MID1: variants seen among roughly 807,000 people sequenced by gnomAD.
MID1 encodes the protein E3 ubiquitin-protein ligase Midline-1.
MID1 carries 7 observed loss-of-function variants against 40.4 expected under a neutral mutation model. The ratio of observed to expected loss-of-function variants is 0.17; its 90% CI spans 0.10 to 0.33. The LOEUF is 0.33. Among genes scored for constraint, MID1 ranks in the 10% least tolerant of loss-of-function variants. The probability of loss-of-function intolerance (pLI) is 1.00; values close to 1 mark genes in which losing one functional copy is unlikely to be tolerated. For missense variants in MID1, 367 were observed against 558.5 expected (o/e 0.66, Z 3.46); for synonymous variants, 229 against 221.2 (o/e 1.04, Z -0.31).
At chrX:10,609,809 G>C (rs1053215258) in intron 1 of MID1, among the ~76,000 whole-genome samples, 46 of 102,518 alleles carry the variant, frequency 4.5e-4, no homozygotes, top group Non-Finnish European at 9.8e-5. Flanking sequence ...GCTCCGCCTC[G>C]CGGGTTCACG....
chrX:10,615,870 C>T (rs775615791), intron 1 of MID1, among the ~76,000 whole-genome samples: 3 of 112,528 alleles, frequency 2.7e-5, no homozygotes, highest in East Asian at 2.8e-4. Flanking sequence ...AGAATCTTCC[C>T]GATAAACTGC....
chrX:10,631,152 G>A (rs185332319), intron 1 of MID1, among the ~76,000 whole-genome samples: 145 of 112,109 alleles, frequency 1.3e-3, no homozygotes, highest in Admixed American at 4.7e-3. Context: ...ACTGTGGCTG[G>A]CAGCACTGAT....
intron 1 of MID1, among the ~76,000 whole-genome samples, chrX:10,775,631 C>T (rs1400404810): frequency 1.8e-5 from 2 of 111,609 alleles, no homozygotes; most frequent in Non-Finnish European, 3.8e-5. Flanking sequence ...AATGAAGCCC[C>T]TGCATCAGAC....
intron 1 of MID1, among the ~76,000 whole-genome samples, chrX:10,589,365 A>T (rs1935222547): frequency 9.0e-6 from 1 of 111,168 alleles, no homozygotes; most frequent in African/African-American, 3.3e-5. Flanking sequence ...ATTCAAACCA[A>T]GTCAAAACCA....
chrX:10,746,739 T>C (rs909204041), intron 1 of MID1, among the ~76,000 whole-genome samples: 4 of 110,773 alleles, frequency 3.6e-5, no homozygotes, highest in African/African-American at 1.3e-4. Context: ...AAATGGATTT[T>C]TGTTGTTTGA....
intron 3 of MID1, among the ~76,000 whole-genome samples, chrX:10,515,006 C>T (rs932954625): frequency 2.7e-5 from 3 of 111,362 alleles, no homozygotes; most frequent in Middle Eastern, 4.6e-3. Context: ...TTCATGTCGG[C>T]CCCCAGCAGG....
rs6639029 is a variant in MID1 at position 10,700,440 on chromosome X, T to C, written c.-186-80021A>G. Among the ~76,000 whole-genome samples the C allele has an allele frequency of 8.1e-5, 9 of 110,922 alleles. No homozygotes were observed. The East Asian group carries it at 2.6e-3, about 32-fold the overall frequency. ...GGTGGCATGCACCTCTAGTCCCAGC[T>C]ACTCAGGAGGCTGAGGTGGGAGGAT... On this transcript the variant is annotated intron_variant, in intron 1 of 10. Coordinates refer to the MID1 transcript ENST00000380785.
At chrX:10,710,088 C>T (rs769342234) in intron 1 of MID1, among the ~76,000 whole-genome samples, 1 of 111,657 alleles carries the variant, frequency 9.0e-6, no homozygotes, top group South Asian at 3.8e-4. Flanking sequence ...AGCTACCTGG[C>T]GGTCCAACAT....
upstream of MID1, among the ~76,000 whole-genome samples, chrX:10,623,810 T>C (rs761409083): frequency 8.0e-5 from 9 of 112,019 alleles, no homozygotes; most frequent in Non-Finnish European, 1.3e-4. Flanking sequence ...TGCAGCCACC[T>C]GGACAGTGCC....
chrX:10,520,738 C>A (rs1021661662), intron 3 of MID1, among the ~76,000 whole-genome samples: 3 of 111,520 alleles, frequency 2.7e-5, no homozygotes, highest in African/African-American at 9.8e-5. Flanking sequence ...TCATCTAAAA[C>A]AAATTCCCTG....
chrX:10,724,070 T>C (rs1467058306), intron 1 of MID1, among the ~76,000 whole-genome samples: 2 of 111,235 alleles, frequency 1.8e-5, no homozygotes, highest in African/African-American at 6.6e-5. Flanking sequence ...TTGTTATTCA[T>C]TTATTTTGTT....
At chrX:10,541,787 GAAC>G (rs1933477676) in intron 2 of MID1, among the ~76,000 whole-genome samples, 1 of 53,236 alleles carries the variant, frequency 1.9e-5, no homozygotes, top group South Asian at 1.1e-3. Context: ...TGAATTTTCT[GAAC>G]AACAATGTGC....
chrX:10,480,910 T>C (rs757489178), intron 5 of MID1, among the ~76,000 whole-genome samples: 46 of 112,538 alleles, frequency 4.1e-4, no homozygotes, highest in African/African-American at 1.5e-3. Context: ...TCACTCCTCC[T>C]CTATGCGATA....
intron 1 of MID1, among the ~76,000 whole-genome samples, chrX:10,683,274 G>C (rs1194975644): frequency 8.9e-6 from 1 of 111,873 alleles, no homozygotes; most frequent in Admixed American, 9.5e-5. Context: ...GGCCTGGCAT[G>C]GTGGCTCACA....
chrX:10,629,115 A>C (rs773738136), intron 1 of MID1, among the ~76,000 whole-genome samples: 1 of 111,798 alleles, frequency 8.9e-6, no homozygotes, highest in Non-Finnish European at 1.9e-5. Flanking sequence ...CCCAACCACA[A>C]TCTACCTCCA....
Position 10,565,402 on chromosome X carries a change from G to A in MID1, c.660+1486C>T, listed in dbSNP as rs772293090. 25 of 329,647 alleles carry A rather than the reference G, an allele frequency of 7.6e-5. 1 individual carries two copies. Among genetic ancestry groups the A allele is most frequent in the South Asian group, 3.1e-4 (12 of 38,341 alleles). 27.2% of individuals were successfully genotyped at this position (329,647 alleles called of 1,213,427 possible). A position where few individuals can be genotyped will look rare whatever the true frequency, so the allele number is the denominator to read the frequency against. Reference sequence around the variant, plus strand: ...CAAAGCCAAATCCCAGATGTGGTCCGTTAATCCCACTGTCACAGAATAAAC... The same window carrying A: ...CAAAGCCAAATCCCAGATGTGGTCCATTAATCCCACTGTCACAGAATAAAC... On this transcript the variant is annotated intron_variant, in intron 2 of 9. Transcript: ENST00000317552.
intron 1 of MID1, among the ~76,000 whole-genome samples, chrX:10,628,435 A>C (rs1216110110): frequency 8.9e-6 from 1 of 111,942 alleles, no homozygotes; most frequent in East Asian, 2.8e-4. Flanking sequence ...TATAAATAGC[A>C]ATGCTATTTA....
At chrX:10,551,538 T>C (rs1933910084) in intron 2 of MID1, among the ~76,000 whole-genome samples, 1 of 112,087 alleles carries the variant, frequency 8.9e-6, no homozygotes, top group Non-Finnish European at 1.9e-5. Flanking sequence ...TTTCCTTTTT[T>C]TTTAATCTGA....
chrX:10,757,929 G>A (rs772879391), intron 1 of MID1, among the ~76,000 whole-genome samples: 67 of 109,853 alleles, frequency 6.1e-4, no homozygotes, highest in South Asian at 3.1e-3. Flanking sequence ...CCATATTAAT[G>A]TACATCAATT....
Sources: gnomAD v4.1 joint callset for allele counts (sites outside exome capture counted in the v4.1 genomes callset) on GRCh38, gnomAD v4.1.1 for gene constraint, MANE v1.5 for transcripts, NCBI Gene and HGNC (gene_info 2026-07-23, HGNC 2026-07-21) for gene names.